TBCEL: variants seen among roughly 807,000 people sequenced by gnomAD.
The protein encoded by TBCEL is tubulin-specific chaperone cofactor E-like protein.
TBCEL carries 15 observed loss-of-function variants against 44.2 expected under a neutral mutation model. The ratio of observed to expected loss-of-function variants is 0.34; its 90% CI spans 0.23 to 0.52. The LOEUF (loss-of-function observed/expected upper bound fraction) is 0.52, where lower values mean the gene tolerates loss of function less well. Among genes scored for constraint, TBCEL ranks in the 20% least tolerant of loss-of-function variants. The pLI is 0.95. For missense variants in TBCEL, 319 were observed against 506.3 expected, an observed-to-expected ratio of 0.63 and a Z score of 3.55; for synonymous variants, 171 against 185.4, an observed-to-expected ratio of 0.92 and a Z score of 0.63.
At position 121,031,296 on chromosome 11, in the gene TBCEL, A is replaced by G. The variant is rs532048224; in HGVS notation, c.-125-5209A>G. The stretch of plus-strand genomic sequence containing the variant: ...TTCCAAGGTGTTTGTACCAGTTGAT[A>G]CTCCCACTGGCTACATTGCCAGTTT... On this transcript the variant is annotated intron_variant, in intron 1 of 8. Transcript: ENST00000683345. Among the ~76,000 whole-genome samples the G allele has an allele frequency of 2.6e-5, 4 of 152,140 alleles. No homozygotes were observed. The East Asian group carries it at 7.7e-4, about 29-fold the overall frequency.
At chr11:121,038,843 A>G (rs1457046584) in intron 2 of TBCEL, among the ~76,000 whole-genome samples, 1 of 152,148 alleles carries the variant, frequency 6.6e-6, no homozygotes, top group Non-Finnish European at 1.5e-5. Flanking sequence ...TCTCAAAGGT[A>G]TGATTGCTAC....
intron 1 of TBCEL, among the ~76,000 whole-genome samples, chr11:121,029,064 A>G (rs1945097334): frequency 6.6e-6 from 1 of 152,060 alleles, no homozygotes; most frequent in South Asian, 2.1e-4. Flanking sequence ...TTTATTTTGC[A>G]TTTCTCACTC....
chr11:121,087,343 G>A lies in TBCEL; in HGVS notation c.*247G>A. On this transcript the variant is annotated 3_prime_UTR_variant, in exon 9 of 9. Coordinates refer to ENST00000683345, the MANE Select transcript of TBCEL (RefSeq NM_001363644.2). ...TTCCAGTGTATGTGCCCTCTCTAAGGAAAGATGACAAAGAAATCACCGACT... is the reference window on the plus strand; with the variant it reads ...TTCCAGTGTATGTGCCCTCTCTAAGAAAAGATGACAAAGAAATCACCGACT... 1 of 470,426 alleles carries A rather than the reference G, an allele frequency of 2.1e-6. No homozygotes were observed. Among genetic ancestry groups the A allele is most frequent in the Non-Finnish European group, 3.8e-6 (1 of 261,976 alleles). 29.1% of individuals were successfully genotyped at this position (470,426 alleles called of 1,614,324 possible).
intron 8 of TBCEL, among the ~76,000 whole-genome samples, chr11:121,061,309 G>A (rs1945716472): frequency 6.6e-6 from 1 of 151,828 alleles, no homozygotes. Flanking sequence ...ATAGCTTTGA[G>A]CATAAGTCTG....
intron 8 of TBCEL, among the ~76,000 whole-genome samples, chr11:121,072,618 T>C (rs1945956238): frequency 6.6e-6 from 1 of 152,200 alleles, no homozygotes; most frequent in Non-Finnish European, 1.5e-5. Context: ...TAGCATTTTA[T>C]AATTCTTTAT....
chr11:121,062,916 T>TA (rs1945750826), intron 8 of TBCEL, among the ~76,000 whole-genome samples: 1 of 152,160 alleles, frequency 6.6e-6, no homozygotes, highest in Admixed American at 6.5e-5. Context: ...TTGGACTTTT[T>TA]ATTCCCTCAT....
At chr11:121,081,032 G>A (rs1224254278) in intron 8 of TBCEL, among the ~76,000 whole-genome samples, 2 of 152,102 alleles carry the variant, frequency 1.3e-5, no homozygotes, top group African/African-American at 4.8e-5. Context: ...ACCCCACACT[G>A]CTGGTAGCCT....
At position 121,043,260 on chromosome 11, in the gene TBCEL, G is replaced by A. The variant is rs748523860; in HGVS notation, c.-17-2414G>A. Among the ~76,000 whole-genome samples, 9 of 152,178 alleles carry A rather than the reference G, an allele frequency of 5.9e-5. 1 individual carries two copies. The South Asian group carries it at 1.0e-3, about 18-fold the overall frequency. On this transcript the variant is annotated intron_variant, in intron 2 of 8. Transcript: ENST00000683345. ...AATACTCGGCAACGTTTATCAAACCGTTACCATGTATAATAAACTATGCCT... is the reference window on the plus strand; with the variant it reads ...AATACTCGGCAACGTTTATCAAACCATTACCATGTATAATAAACTATGCCT...
Position 121,056,424 on chromosome 11 carries a change from T to C in TBCEL, c.712+1116T>C, listed in dbSNP as rs150654468. Among the ~76,000 whole-genome samples, 790 of 152,028 alleles carry C rather than the reference T, an allele frequency of 5.2e-3. 5 individuals are homozygous for C. Among genetic ancestry groups the C allele is most frequent in the African/African-American group, 0.017 (725 of 41,506 alleles). On this transcript the variant is annotated intron_variant, in intron 6 of 8. Transcript: ENST00000683345. ...GGTTGCTTCCAAGTTTGGGCAGTTA[T>C]GAATAAAGCTGCTGTAAACATCTGT...
intron 2 of TBCEL, among the ~76,000 whole-genome samples, chr11:121,040,896 G>A (rs566383554): frequency 5.9e-5 from 9 of 152,182 alleles, no homozygotes; most frequent in Non-Finnish European, 7.4e-5. Context: ...GTCAACTGTC[G>A]ATACTACTTT....
intron 1 of TBCEL, among the ~76,000 whole-genome samples, chr11:121,031,629 CTT>C (rs1945144937): frequency 1.6e-5 from 2 of 128,822 alleles, no homozygotes; most frequent in African/African-American, 5.8e-5. Flanking sequence ...TTTTTAATGT[CTT>C]TTGATGATTG....
intron 2 of TBCEL, among the ~76,000 whole-genome samples, chr11:121,042,019 A>C (rs1945343874): frequency 6.6e-6 from 1 of 152,094 alleles, no homozygotes; most frequent in Non-Finnish European, 1.5e-5. Flanking sequence ...CTTCCTTACT[A>C]GCATTTTAAC....
At chr11:121,067,270 A>G (rs746536745) in intron 8 of TBCEL, among the ~76,000 whole-genome samples, 32 of 152,244 alleles carry the variant, frequency 2.1e-4, no homozygotes, top group Admixed American at 3.3e-4. Flanking sequence ...GAGGATCCAG[A>G]GATTCACATA....
intron 8 of TBCEL, among the ~76,000 whole-genome samples, chr11:121,076,280 A>T (rs1227592000): frequency 2.0e-5 from 3 of 152,002 alleles, no homozygotes; most frequent in African/African-American, 7.2e-5. Flanking sequence ...CAGAATTTAC[A>T]TCTTAATAAT....
In TBCEL at chr11:121,087,793, T is replaced by C. The variant is rs1249316374; in HGVS notation, c.*697T>C. 1 of 152,188 alleles carries C rather than the reference T, an allele frequency of 6.6e-6. No homozygotes were observed. The highest frequency in any genetic ancestry group is 2.4e-5 in the African/African-American group (1 of 41,448). 9.4% of individuals were successfully genotyped at this position (152,188 alleles called of 1,614,324 possible). ...CGAAGAGTAGATGTAGAATGAAAAC[T>C]CCAGGAAAACTTGCAGTTATTCTGG... On this transcript the variant is annotated 3_prime_UTR_variant, in exon 9 of 9. Coordinates refer to ENST00000683345, the MANE Select transcript of TBCEL (RefSeq NM_001363644.2).
intron 8 of TBCEL, among the ~76,000 whole-genome samples, chr11:121,063,533 AAACTT>A (rs1166750929): frequency 2.0e-5 from 3 of 152,182 alleles, no homozygotes; most frequent in Non-Finnish European, 4.4e-5. Context: ...ATCCAGTTGT[AAACTT>A]AACTACCCTG....
At chr11:121,039,281 A>G (rs1405631812) in intron 2 of TBCEL, among the ~76,000 whole-genome samples, 1 of 152,208 alleles carries the variant, frequency 6.6e-6, no homozygotes, top group African/African-American at 2.4e-5. Context: ...CTGTCAGCTA[A>G]TCTTTATCTT....
intron 2 of TBCEL, among the ~76,000 whole-genome samples, chr11:121,044,214 TCTTC>T (rs1945387269): frequency 1.3e-5 from 2 of 152,124 alleles, no homozygotes; most frequent in South Asian, 4.1e-4. Flanking sequence ...TCTTCCTAAC[TCTTC>T]TCCCAGCCTT....
chr11:121,056,802 G>C (rs1209473877), intron 6 of TBCEL, among the ~76,000 whole-genome samples: 1 of 151,816 alleles, frequency 6.6e-6, no homozygotes, highest in Non-Finnish European at 1.5e-5. Flanking sequence ...GTTCAGGTCT[G>C]TGGCCCATTT....
Sources: allele counts gnomAD v4.1 joint callset (sites outside exome capture counted in the v4.1 genomes callset), GRCh38; gene constraint gnomAD v4.1.1; transcripts MANE v1.5; gene names NCBI Gene and HGNC (gene_info 2026-07-23, HGNC 2026-07-21).